The following ASIC2 variants were observed in gnomAD, a reference collection of about 807,000 sequenced individuals.
ASIC2 encodes acid sensing ion channel subunit 2, also known as acid-sensing ion channel 2.
Under a neutral mutation model 57.3 loss-of-function variants are expected in ASIC2, and 25 were observed. The observed-to-expected ratio is 0.44, with a 90% CI of 0.32 to 0.61. The LOEUF (loss-of-function observed/expected upper bound fraction) is 0.61, where lower values mean the gene tolerates loss of function less well. Ranked by LOEUF, ASIC2 falls within the 20% of genes least tolerant of loss-of-function variation. ASIC2 has a pLI of 0.06. For missense variants in ASIC2, 641 were observed against 738.1 expected (o/e 0.87, Z 1.52); for synonymous variants, 319 against 307.5 (o/e 1.04, Z -0.39).
intron 1 of ASIC2, among the ~76,000 whole-genome samples, chr17:33,992,882 A>C (rs1473875852): frequency 6.6e-6 from 1 of 152,228 alleles, no homozygotes. Flanking sequence ...GGTTTCAAGC[A>C]GGCTGAATGC....
chr17:33,776,206 T>A (rs1255481599), intron 1 of ASIC2, among the ~76,000 whole-genome samples: 1 of 151,128 alleles, frequency 6.6e-6, no homozygotes, highest in Non-Finnish European at 1.5e-5. Context: ...ATCCTAACCC[T>A]CAAGGTTATT....
At chr17:33,464,472 TTTCTTTTCTCTCTTTC>T (rs1912748729) in intron 1 of ASIC2, among the ~76,000 whole-genome samples, 3 of 86,630 alleles carry the variant, frequency 3.5e-5, no homozygotes, top group African/African-American at 1.8e-4. Context: ...TCTTTCTTTC[TTTCTTTTCTCTCTTTC>T]TTTCTTTCTT....
chr17:34,002,621 A>T (rs1906382295), intron 1 of ASIC2: 1 of 152,316 alleles, frequency 6.6e-6, no homozygotes, highest in Admixed American at 6.5e-5. Context: ...ATATTTTAAA[A>T]ATTCCAACAT....
At chr17:33,220,454 G>A (rs371336396) in intron 1 of ASIC2, among the ~76,000 whole-genome samples, 6 of 152,144 alleles carry the variant, frequency 3.9e-5, no homozygotes, top group Non-Finnish European at 8.8e-5. Flanking sequence ...CGCCCCTTGG[G>A]AGAAGTGAAT....
intron 1 of ASIC2, among the ~76,000 whole-genome samples, chr17:33,543,421 G>A (rs1441392802): frequency 6.6e-6 from 1 of 152,182 alleles, no homozygotes; most frequent in Non-Finnish European, 1.5e-5. Context: ...TCATGTGAGA[G>A]GTAGTGTCAG....
At chr17:33,419,404 A>G (rs559265526) in intron 1 of ASIC2, among the ~76,000 whole-genome samples, 1 of 152,246 alleles carries the variant, frequency 6.6e-6, no homozygotes. Context: ...CCCAGGCGGC[A>G]CAAAGCTTGT....
At chr17:33,161,857 GTTTTT>G (rs199823485) in intron 1 of ASIC2, among the ~76,000 whole-genome samples, 11 of 94,220 alleles carry the variant, frequency 1.2e-4, no homozygotes, top group Admixed American at 4.1e-4. Context: ...GAATTCCTAG[GTTTTT>G]TTTTTTTTTT....
chr17:34,135,229 C>T (rs984825173), intron 1 of ASIC2, among the ~76,000 whole-genome samples: 1 of 152,262 alleles, frequency 6.6e-6, no homozygotes, highest in Non-Finnish European at 1.5e-5. Flanking sequence ...CCAAAAATTG[C>T]ACTTGTCTTC....
chr17:34,086,813 T>C (rs1408674589), intron 1 of ASIC2, among the ~76,000 whole-genome samples: 1 of 152,252 alleles, frequency 6.6e-6, no homozygotes, highest in Admixed American at 6.5e-5. Flanking sequence ...TTGTCTCTTT[T>C]GATCTTTGTT....
intron 1 of ASIC2, among the ~76,000 whole-genome samples, chr17:33,322,743 G>C (rs140461437): frequency 6.6e-5 from 10 of 152,214 alleles, no homozygotes; most frequent in Admixed American, 1.3e-4. Context: ...GGGAGAGCAG[G>C]AAGAGCAGAG....
chr17:33,821,442 C>T (rs570086931), intron 1 of ASIC2, among the ~76,000 whole-genome samples: 5 of 152,146 alleles, frequency 3.3e-5, no homozygotes, highest in East Asian at 1.9e-4. Flanking sequence ...TGAGGCTTGG[C>T]GCATTTTGAT....
chr17:33,490,175 A>G (rs1294576016), intron 1 of ASIC2, among the ~76,000 whole-genome samples: 1 of 152,236 alleles, frequency 6.6e-6, no homozygotes, highest in Admixed American at 6.5e-5. Context: ...TATAAGGTAG[A>G]GTTAGGTCAT....
At chr17:33,837,221 C>T (rs1056261034) in intron 1 of ASIC2, among the ~76,000 whole-genome samples, 1 of 152,214 alleles carries the variant, frequency 6.6e-6, no homozygotes, top group Non-Finnish European at 1.5e-5. Flanking sequence ...TGCCCAGATC[C>T]CAAACTCCTA....
chr17:33,971,495 C>A (rs966745229), intron 1 of ASIC2, among the ~76,000 whole-genome samples: 3 of 152,176 alleles, frequency 2.0e-5, no homozygotes, highest in African/African-American at 7.2e-5. Flanking sequence ...GTTTGTGAAT[C>A]CCTGTCCCTG....
At chr17:33,186,562 G>A (rs961927736) in intron 1 of ASIC2, among the ~76,000 whole-genome samples, 3 of 152,164 alleles carry the variant, frequency 2.0e-5, no homozygotes, top group Admixed American at 6.5e-5. Flanking sequence ...ACAATGGGTC[G>A]TAAAGCTGCA....
intron 1 of ASIC2, among the ~76,000 whole-genome samples, chr17:33,625,849 T>C (rs1905966977): frequency 6.6e-6 from 1 of 152,352 alleles, no homozygotes; most frequent in South Asian, 2.1e-4. Context: ...ATCTTTGAAC[T>C]GGATTCTGAA....
chr17:33,433,497 T>C (rs1486223415), intron 1 of ASIC2, among the ~76,000 whole-genome samples: 2 of 152,188 alleles, frequency 1.3e-5, no homozygotes, highest in East Asian at 3.9e-4. Flanking sequence ...GGCTCACGCC[T>C]GTAATCCCAG....
At chr17:33,186,278 T>G (rs1333401068) in intron 1 of ASIC2, among the ~76,000 whole-genome samples, 1 of 152,100 alleles carries the variant, frequency 6.6e-6, no homozygotes, top group African/African-American at 2.4e-5. Context: ...ACCTAGCTAA[T>G]TTTTGTATTT....
chr17:33,185,364 T>A (rs1329444590), intron 1 of ASIC2, among the ~76,000 whole-genome samples: 1 of 152,076 alleles, frequency 6.6e-6, no homozygotes, highest in East Asian at 1.9e-4. Flanking sequence ...TGGCTACACA[T>A]AATGGAAAAA....
Sources: gnomAD v4.1 joint callset for allele counts (sites outside exome capture counted in the v4.1 genomes callset) on GRCh38, gnomAD v4.1.1 for gene constraint, MANE v1.5 for transcripts, NCBI Gene and HGNC (gene_info 2026-07-23, HGNC 2026-07-21) for gene names.